FRMPD4: variants seen among roughly 807,000 people sequenced by gnomAD.
FRMPD4 encodes the protein FERM and PDZ domain containing 4.
Under a neutral mutation model 94.1 loss-of-function variants are expected in FRMPD4, and 22 were observed. That is an observed-to-expected ratio of 0.23 (90% CI 0.17 to 0.33). The LOEUF (loss-of-function observed/expected upper bound fraction) is 0.33, where lower values mean the gene tolerates loss of function less well. Among genes scored for constraint, FRMPD4 ranks in the 10% least tolerant of loss-of-function variants. The probability of loss-of-function intolerance (pLI) is 1.00; values close to 1 mark genes in which losing one functional copy is unlikely to be tolerated. For missense variants in FRMPD4, 1,111 were observed against 1,339.9 expected (o/e 0.83, Z 2.67); for synonymous variants, 631 against 548.6 (o/e 1.15, Z -2.10).
chrX:12,337,084 A>G (rs189647469), intron 1 of FRMPD4, among the ~76,000 whole-genome samples: 1 of 111,652 alleles, frequency 9.0e-6, no homozygotes, highest in Admixed American at 9.5e-5. Context: ...GAATAAAGGA[A>G]TGAAAATCTG....
chrX:12,292,230 T>C (rs758699029), intron 1 of FRMPD4, among the ~76,000 whole-genome samples: 2 of 112,109 alleles, frequency 1.8e-5, no homozygotes, highest in Non-Finnish European at 3.8e-5. Flanking sequence ...CTTTAGGAAG[T>C]AGCAGCAATT....
At chrX:12,023,718 T>C (rs2054644321) in intron 3 of FRMPD4, among the ~76,000 whole-genome samples, 1 of 111,632 alleles carries the variant, frequency 9.0e-6, no homozygotes, top group Non-Finnish European at 1.9e-5. Flanking sequence ...TTATGCTCTC[T>C]CATCCACCTC....
chrX:12,125,104 G>A (rs981461256), intron 3 of FRMPD4, among the ~76,000 whole-genome samples: 37 of 111,788 alleles, frequency 3.3e-4, no homozygotes, highest in African/African-American at 1.1e-3. Context: ...AGAATGCTTG[G>A]AGCCCCAGAA....
chrX:12,084,606 T>C (rs985850186), intron 3 of FRMPD4, among the ~76,000 whole-genome samples: 4 of 112,292 alleles, frequency 3.6e-5, no homozygotes, highest in Non-Finnish European at 5.6e-5. Flanking sequence ...TTTAAAATAA[T>C]GAACATTTTC....
At chrX:11,948,830 A>G (rs5935198) in intron 3 of FRMPD4, among the ~76,000 whole-genome samples, 39,366 of 111,374 alleles carry the variant, frequency 0.35, 5,558 homozygotes, top group East Asian at 0.82. Context: ...AAAATAAAAT[A>G]AATTAGTAAC....
intron 14 of FRMPD4, 68 bp from the exon 15 acceptor site, chrX:12,716,001 T>TGCCCCC: frequency 1.3e-5 from 3 of 231,648 alleles, no homozygotes; most frequent in East Asian, 8.5e-5. Flanking sequence ...GAGACGAGCC[T>TGCCCCC]CCCACCCCCG....
At chrX:12,681,696 T>TACAC (rs35651585) in intron 5 of FRMPD4, among the ~76,000 whole-genome samples, 3,199 of 104,002 alleles carry the variant, frequency 0.031, 90 homozygotes, top group Admixed American at 0.11. Context: ...CCATCCAGGA[T>TACAC]ACACACACAC....
intron 1 of FRMPD4, among the ~76,000 whole-genome samples, chrX:11,837,418 T>C (rs760636823): frequency 1.7e-4 from 19 of 111,957 alleles, no homozygotes; most frequent in Non-Finnish European, 3.8e-5. Context: ...GCTGAGATGA[T>C]ACATTTCTTC....
At chrX:12,573,666 A>G (rs184403571) in intron 2 of FRMPD4, among the ~76,000 whole-genome samples, 275 of 112,732 alleles carry the variant, frequency 2.4e-3, no homozygotes, top group Non-Finnish European at 3.9e-3. Context: ...TGAGAGACAT[A>G]CTAGAGCAGT....
intron 2 of FRMPD4, among the ~76,000 whole-genome samples, chrX:12,547,211 A>G (rs1230663178): frequency 9.0e-6 from 1 of 110,548 alleles, no homozygotes; most frequent in South Asian, 3.9e-4. Flanking sequence ...GTGCTTCCCT[A>G]TGTCACAGAC....
intron 1 of FRMPD4, among the ~76,000 whole-genome samples, chrX:12,184,139 AT>A (rs749953892): frequency 2.7e-5 from 3 of 111,032 alleles, no homozygotes; most frequent in African/African-American, 9.8e-5. Context: ...TGCAACACTG[AT>A]TTTTTTTAAA....
intron 3 of FRMPD4, among the ~76,000 whole-genome samples, chrX:11,890,292 C>G (rs1191930627): frequency 8.9e-6 from 1 of 112,084 alleles, no homozygotes; most frequent in Non-Finnish European, 1.9e-5. Context: ...CCATCAGCAC[C>G]TTTGAGAACT....
chrX:12,467,389 T>G (rs956773436), intron 1 of FRMPD4, among the ~76,000 whole-genome samples: 16 of 111,898 alleles, frequency 1.4e-4, no homozygotes, highest in African/African-American at 5.2e-4. Flanking sequence ...AAGCACAGAT[T>G]TGGGTTGTGT....
chrX:12,268,311 A>G (rs1289368215), intron 1 of FRMPD4, among the ~76,000 whole-genome samples: 3 of 112,543 alleles, frequency 2.7e-5, no homozygotes, highest in Non-Finnish European at 5.6e-5. Context: ...GAGAACATAG[A>G]TACTCATGAG....
intron 4 of FRMPD4, among the ~76,000 whole-genome samples, chrX:12,661,173 G>C (rs1465657401): frequency 8.9e-6 from 1 of 112,321 alleles, no homozygotes; most frequent in Non-Finnish European, 1.9e-5. Flanking sequence ...GATTCAAGGG[G>C]AGGAGACTAG....
chrX:12,653,582 C>T (rs927547283), intron 4 of FRMPD4, among the ~76,000 whole-genome samples: 3 of 111,609 alleles, frequency 2.7e-5, no homozygotes, highest in Non-Finnish European at 5.6e-5. Context: ...TTGCATGGAG[C>T]ACAATTTGAA....
chrX:11,994,879 CTT>C (rs1483394823), intron 3 of FRMPD4, among the ~76,000 whole-genome samples: 1 of 111,547 alleles, frequency 9.0e-6, no homozygotes, highest in Non-Finnish European at 1.9e-5. Flanking sequence ...AGAATTGATG[CTT>C]AGTCTTTCAT....
intron 2 of FRMPD4, among the ~76,000 whole-genome samples, chrX:11,865,945 A>C (rs1242841159): frequency 8.9e-6 from 1 of 111,975 alleles, no homozygotes; most frequent in Non-Finnish European, 1.9e-5. Flanking sequence ...GTTATGTCTA[A>C]AACTCAAATT....
At chrX:12,651,987 A>G (rs1210507134) in intron 4 of FRMPD4, among the ~76,000 whole-genome samples, 1 of 112,365 alleles carries the variant, frequency 8.9e-6, no homozygotes, top group Non-Finnish European at 1.9e-5. Context: ...TCACATCTCA[A>G]AAATGTTCCC....
Sources: allele counts gnomAD v4.1 joint callset (sites outside exome capture counted in the v4.1 genomes callset), GRCh38; gene constraint gnomAD v4.1.1; transcripts MANE v1.5; gene names NCBI Gene and HGNC (gene_info 2026-07-23, HGNC 2026-07-21).